Variants in NRG1 observed in about 807,000 individuals in gnomAD.
NRG1 encodes the protein pro-neuregulin-1, membrane-bound isoform.
NRG1 carries 18 observed loss-of-function variants against 63.8 expected under a neutral mutation model. The ratio of observed to expected loss-of-function variants is 0.28; its 90% confidence interval spans 0.19 to 0.42. NRG1 has a LOEUF of 0.42. Among genes scored for constraint, NRG1 ranks in the 10% least tolerant of loss-of-function variants. NRG1 has a pLI of 1.00. For synonymous variants in NRG1, 302 were observed against 301.3 expected, an observed-to-expected ratio of 1.00 and a Z score of -0.02; for missense variants, 762 against 814.7, an observed-to-expected ratio of 0.94 and a Z score of 0.79.
At chr8:32,263,668 A>T (rs1850622506) in intron 1 of NRG1, among the ~76,000 whole-genome samples, 1 of 152,184 alleles carries the variant, frequency 6.6e-6, no homozygotes. Flanking sequence ...TTTTAAAAAA[A>T]TATTTTCCCC....
At chr8:31,941,194 C>A (rs1585931292) in intron 1 of NRG1, among the ~76,000 whole-genome samples, 1 of 152,018 alleles carries the variant, frequency 6.6e-6, no homozygotes, top group Admixed American at 6.6e-5. Flanking sequence ...AAAAGATAAT[C>A]CACCATGATC....
At chr8:32,634,118 A>AAAAAAAAAAAAAAAAAAAAAAT (rs1850869778) in intron 5 of NRG1, among the ~76,000 whole-genome samples, 1 of 150,078 alleles carries the variant, frequency 6.7e-6, no homozygotes, top group African/African-American at 2.5e-5. Flanking sequence ...AAAAAAAAAA[A>AAAAAAAAAAAAAAAAAAAAAAT]GGTTGCATAA....
At chr8:32,115,760 C>G (rs897058099) in intron 1 of NRG1, among the ~76,000 whole-genome samples, 1 of 152,152 alleles carries the variant, frequency 6.6e-6, no homozygotes, top group Admixed American at 6.6e-5. Flanking sequence ...CTATTGTCCT[C>G]ATTTCCAGCT....
At chr8:32,271,187 G>A (rs1459709509) in intron 1 of NRG1, among the ~76,000 whole-genome samples, 1 of 151,992 alleles carries the variant, frequency 6.6e-6, no homozygotes, top group African/African-American at 2.4e-5. Flanking sequence ...GAATATATAT[G>A]CCACAGGCTG....
intron 1 of NRG1, among the ~76,000 whole-genome samples, chr8:32,135,979 AG>A (rs1835462265): frequency 4.0e-5 from 2 of 50,228 alleles, no homozygotes; most frequent in Non-Finnish European, 1.4e-4. Context: ...TTTGAAAAAG[AG>A]AAGGTTGACA....
intron 1 of NRG1, among the ~76,000 whole-genome samples, chr8:31,680,103 A>G (rs1413803273): frequency 6.6e-6 from 1 of 152,064 alleles, no homozygotes; most frequent in Non-Finnish European, 1.5e-5. Context: ...CCAATCTACA[A>G]AAGATATGAT....
At chr8:31,646,982 AT>A (rs1478519431) in intron 1 of NRG1, among the ~76,000 whole-genome samples, 2 of 152,194 alleles carry the variant, frequency 1.3e-5, no homozygotes, top group Non-Finnish European at 2.9e-5. Flanking sequence ...TGTGTAGCTT[AT>A]AGCCCAGCAG....
chr8:31,853,420 A>G (rs1365333394), intron 1 of NRG1, among the ~76,000 whole-genome samples: 3 of 147,286 alleles, frequency 2.0e-5, no homozygotes, highest in Non-Finnish European at 3.0e-5. Context: ...TTTGTCTGTT[A>G]TTGGTGTATA....
downstream of NRG1, among the ~76,000 whole-genome samples, chr8:32,770,361 T>C (rs1232112581): frequency 6.6e-6 from 1 of 152,192 alleles, no homozygotes; most frequent in African/African-American, 2.4e-5. Flanking sequence ...GTTACACATC[T>C]AAGAGAGCTG....
chr8:31,755,928 A>T (rs908368317), intron 1 of NRG1, among the ~76,000 whole-genome samples: 5 of 152,162 alleles, frequency 3.3e-5, no homozygotes, highest in African/African-American at 7.2e-5. Flanking sequence ...ATGGTGGTTA[A>T]GAAGACCAAG....
intron 1 of NRG1, among the ~76,000 whole-genome samples, chr8:32,242,796 A>G (rs955142487): frequency 1.3e-5 from 2 of 152,194 alleles, no homozygotes; most frequent in Non-Finnish European, 2.9e-5. Flanking sequence ...TGCGATGCAT[A>G]CTGTCCTCAT....
chr8:31,764,292 A>G (rs1291637585), intron 1 of NRG1, among the ~76,000 whole-genome samples: 1 of 152,128 alleles, frequency 6.6e-6, no homozygotes, highest in Non-Finnish European at 1.5e-5. Context: ...ACTATAATAC[A>G]ATATCACAAT....
rs1801621602 is a variant in NRG1, at chr8:32,323,245, A to T, written c.38-272583A>T. The stretch of plus-strand genomic sequence containing the variant: ...TGCAATCCAACTTATCAAAAGTTTA[A>T]TTTTCCCTTTCCAAAAGCAATGTAC... On this transcript the variant is annotated intron_variant, in intron 1 of 10. Transcript: ENST00000519301. Among the ~76,000 whole-genome samples the T allele has an allele frequency of 1.3e-5, 2 of 152,150 alleles. 1 individual carries two copies. Among genetic ancestry groups the T allele is most frequent in the South Asian group, 4.1e-4 (2 of 4,828 alleles).
intron 1 of NRG1, among the ~76,000 whole-genome samples, chr8:32,176,057 G>A (rs538809668): frequency 2.6e-5 from 4 of 152,288 alleles, no homozygotes; most frequent in African/African-American, 7.2e-5. Flanking sequence ...AAAGCTGGAG[G>A]CATCATGCTA....
chr8:32,046,051 G>A (rs994685801), intron 1 of NRG1, among the ~76,000 whole-genome samples: 2 of 151,948 alleles, frequency 1.3e-5, no homozygotes, highest in Non-Finnish European at 2.9e-5. Context: ...TATTCTTCAA[G>A]GGGTTTGCAT....
At chr8:32,548,630 C>T in exon 1 of NRG1, 2 of 1,444,424 alleles carry the variant, frequency 1.4e-6, no homozygotes, top group South Asian at 1.4e-5. Flanking sequence ...CGCTCTCCCC[C>T]TCGAGGGACA....
At chr8:32,727,504 G>C (rs1412909813) in intron 5 of NRG1, among the ~76,000 whole-genome samples, 1 of 152,124 alleles carries the variant, frequency 6.6e-6, no homozygotes, top group Non-Finnish European at 1.5e-5. Flanking sequence ...AAAATGTAAA[G>C]TCAATAGGCA....
intron 1 of NRG1, among the ~76,000 whole-genome samples, chr8:32,255,489 T>C (rs1849593176): frequency 1.3e-5 from 2 of 152,206 alleles, no homozygotes. Flanking sequence ...GGGTTGAAAA[T>C]TCTTTTCTTT....
chr8:32,772,617 T>G (rs928603914), downstream of NRG1, among the ~76,000 whole-genome samples: 20 of 152,206 alleles, frequency 1.3e-4, no homozygotes, highest in Non-Finnish European at 4.4e-5. Flanking sequence ...GATTCTTTTT[T>G]GCCTTACTGG....
Sources: allele counts gnomAD v4.1 joint callset (sites outside exome capture counted in the v4.1 genomes callset), GRCh38; gene constraint gnomAD v4.1.1; transcripts MANE v1.5; gene names NCBI Gene and HGNC (gene_info 2026-07-23, HGNC 2026-07-21).